Variants in FSTL5 observed in about 807,000 individuals in gnomAD.
The protein encoded by FSTL5 is follistatin-related protein 5.
A neutral mutation model predicts 89.1 loss-of-function variants in FSTL5; 62 were observed. That is an observed-to-expected ratio of 0.70 (90% CI 0.57 to 0.86). The LOEUF (loss-of-function observed/expected upper bound fraction) is 0.86. Ranked by LOEUF, FSTL5 falls within the 40% of genes least tolerant of loss-of-function variation. The probability of loss-of-function intolerance (pLI) is 0.00; values close to 1 mark genes in which losing one functional copy is unlikely to be tolerated. For synonymous variants in FSTL5, 383 were observed against 346.2 expected (o/e 1.11, Z -1.18); for missense variants, 1,057 against 1,001.6 (o/e 1.06, Z -0.75).
chr4:161,840,407 G>T (rs1000762434), intron 4 of FSTL5, among the ~76,000 whole-genome samples: 2 of 151,948 alleles, frequency 1.3e-5, no homozygotes, highest in Admixed American at 1.3e-4. Flanking sequence ...TAAAACAACC[G>T]TTATACTCTG....
intron 4 of FSTL5, among the ~76,000 whole-genome samples, chr4:161,889,759 C>G (rs922633734): frequency 3.3e-5 from 5 of 152,168 alleles, no homozygotes; most frequent in South Asian, 2.1e-4. Context: ...TGTAATCCAG[C>G]TAATTGAAAC....
chr4:162,067,771 C>T (rs2111300647), intron 2 of FSTL5, among the ~76,000 whole-genome samples: 1 of 152,198 alleles, frequency 6.6e-6, no homozygotes, highest in African/African-American at 2.4e-5. Context: ...CCTCTGTTTG[C>T]AGATGACATG....
chr4:162,141,745 G>GATA (rs1732755399), intron 1 of FSTL5, among the ~76,000 whole-genome samples: 1 of 152,112 alleles, frequency 6.6e-6, no homozygotes, highest in Admixed American at 6.6e-5. Context: ...GGGCTTCACA[G>GATA]ATATTCAAAT....
chr4:161,956,901 C>T (rs1367041005), intron 3 of FSTL5, among the ~76,000 whole-genome samples: 2 of 151,786 alleles, frequency 1.3e-5, no homozygotes, highest in African/African-American at 4.8e-5. Context: ...TGATGTGGTA[C>T]TACCTTGCAA....
In FSTL5 at chr4:161,454,645, G is replaced by C. The variant is rs75651388; in HGVS notation, c.1841+359C>G. 8.0e-3 allele frequency among the ~76,000 whole-genome samples: 1,216 copies of C among 152,262 alleles called. 8 individuals are homozygous for C. Among genetic ancestry groups the C allele is most frequent in the Non-Finnish European group, 0.012 (840 of 68,018 alleles). ...GTTTCAGTTAACATTCTCTCCATTTGAGAAGTGATTTTATCTTTTAAATTA... is the reference window on the plus strand; with the variant it reads ...GTTTCAGTTAACATTCTCTCCATTTCAGAAGTGATTTTATCTTTTAAATTA... On this transcript the variant is annotated intron_variant, in intron 15 of 15. Transcript: ENST00000306100.
chr4:162,066,356 C>CTTCTTCTTCTTCTTCTTCTTCTTG (rs1561000563), intron 2 of FSTL5, among the ~76,000 whole-genome samples: 11 of 100,794 alleles, frequency 1.1e-4, no homozygotes, highest in African/African-American at 3.7e-4. Context: ...TCTTCTTCTC[C>CTTCTTCTTCTTCTTCTTCTTCTTG]TTCTTCTTCT....
chr4:161,497,603 C>T (rs758295833), intron 12 of FSTL5, among the ~76,000 whole-genome samples: 2 of 148,820 alleles, frequency 1.3e-5, no homozygotes, highest in Non-Finnish European at 3.0e-5. Flanking sequence ...AGTACAGAAA[C>T]CTTTATAAAC....
intron 5 of FSTL5, among the ~76,000 whole-genome samples, chr4:161,772,187 A>C (rs1741234165): frequency 6.6e-6 from 1 of 152,162 alleles, no homozygotes; most frequent in Non-Finnish European, 1.5e-5. Context: ...GTGTGCAGCC[A>C]GTTTTCCTGC....
At chr4:161,509,707 G>T (rs918345707) in intron 11 of FSTL5, among the ~76,000 whole-genome samples, 1 of 152,052 alleles carries the variant, frequency 6.6e-6, no homozygotes, top group East Asian at 1.9e-4. Flanking sequence ...GTGTAATGAT[G>T]GCTTTTAGAC....
intron 1 of FSTL5, among the ~76,000 whole-genome samples, chr4:162,137,993 C>T (rs1295973685): frequency 6.6e-6 from 1 of 151,918 alleles, no homozygotes; most frequent in Non-Finnish European, 1.5e-5. Flanking sequence ...TCCAAGGGTA[C>T]TCAGAGAGCT....
At chr4:161,910,097 T>C (rs1733648219) in intron 4 of FSTL5, among the ~76,000 whole-genome samples, 1 of 152,154 alleles carries the variant, frequency 6.6e-6, no homozygotes, top group Non-Finnish European at 1.5e-5. Context: ...CAAATCCTCA[T>C]CATACTTGAT....
chr4:161,815,276 G>A (rs1730288111), intron 4 of FSTL5, among the ~76,000 whole-genome samples: 1 of 151,882 alleles, frequency 6.6e-6, no homozygotes, highest in African/African-American at 2.4e-5. Context: ...GGTATAAACA[G>A]CATATTGTTT....
At chr4:161,432,295 C>A (rs1027428471) in intron 15 of FSTL5, among the ~76,000 whole-genome samples, 1 of 151,930 alleles carries the variant, frequency 6.6e-6, no homozygotes, top group African/African-American at 2.4e-5. Context: ...AAATCAGTAA[C>A]AAGAGGAATT....
At chr4:161,513,808 AAG>A (rs1730730532) in intron 10 of FSTL5, among the ~76,000 whole-genome samples, 1 of 152,122 alleles carries the variant, frequency 6.6e-6, no homozygotes, top group Non-Finnish European at 1.5e-5. Flanking sequence ...GGAAACATGA[AAG>A]AGAACACACT....
At chr4:161,453,384 C>T (rs925282132) in intron 15 of FSTL5, among the ~76,000 whole-genome samples, 8 of 152,008 alleles carry the variant, frequency 5.3e-5, no homozygotes, top group Non-Finnish European at 1.2e-4. Context: ...TTAGTCATAA[C>T]ACCAATTGCC....
intron 4 of FSTL5, among the ~76,000 whole-genome samples, chr4:161,817,305 A>T (rs1274572458): frequency 6.6e-6 from 1 of 152,226 alleles, no homozygotes; most frequent in Non-Finnish European, 1.5e-5. Flanking sequence ...GATAAGATAC[A>T]TTCAGGGTCA....
intron 3 of FSTL5, among the ~76,000 whole-genome samples, chr4:162,029,228 T>G (rs769654700): frequency 2.6e-5 from 4 of 151,868 alleles, no homozygotes; most frequent in Non-Finnish European, 5.9e-5. Flanking sequence ...ATACATTTAT[T>G]GTCCCAAATA....
intron 4 of FSTL5, among the ~76,000 whole-genome samples, chr4:161,904,539 G>A (rs1369533313): frequency 6.6e-6 from 1 of 151,798 alleles, no homozygotes; most frequent in Admixed American, 6.6e-5. Flanking sequence ...CACTGGAAGT[G>A]TACAATTTCC....
At chr4:161,904,652 A>G (rs1289238295) in intron 4 of FSTL5, among the ~76,000 whole-genome samples, 1 of 151,866 alleles carries the variant, frequency 6.6e-6, no homozygotes, top group African/African-American at 2.4e-5. Flanking sequence ...AAATCACAAT[A>G]ATCCCCCAAA....
Sources: allele counts gnomAD v4.1 joint callset (sites outside exome capture counted in the v4.1 genomes callset), GRCh38; gene constraint gnomAD v4.1.1; transcripts MANE v1.5; gene names NCBI Gene and HGNC (gene_info 2026-07-23, HGNC 2026-07-21).